Variants in TIAM1 observed in about 807,000 individuals in gnomAD.
TIAM1 encodes the protein TIAM Rac1 associated GEF 1, also known as rho guanine nucleotide exchange factor TIAM1.
A neutral mutation model predicts 163.5 loss-of-function variants in TIAM1; 65 were observed. The observed-to-expected ratio is 0.40, with a 90% CI of 0.33 to 0.49. The LOEUF (loss-of-function observed/expected upper bound fraction) is 0.49. Ranked by LOEUF, TIAM1 falls within the 20% of genes least tolerant of loss-of-function variation. The pLI is 0.77. For missense variants in TIAM1, 1,789 were observed against 2,044.7 expected, an observed-to-expected ratio of 0.87 and a Z score of 2.41; for synonymous variants, 833 against 810.1, an observed-to-expected ratio of 1.03 and a Z score of -0.48.
intron 1 of TIAM1, among the ~76,000 whole-genome samples, chr21:31,514,575 C>T (rs2047318594): frequency 6.6e-6 from 1 of 151,642 alleles, no homozygotes; most frequent in Non-Finnish European, 1.5e-5. Context: ...CACCTGTAAA[C>T]CCAGCTACTC....
intron 11 of TIAM1, among the ~76,000 whole-genome samples, chr21:31,207,990 A>G (rs548145682): frequency 1.3e-5 from 2 of 152,344 alleles, no homozygotes; most frequent in South Asian, 4.1e-4. Context: ...ATTGGACAGG[A>G]CTAACTTTTA....
intron 2 of TIAM1, among the ~76,000 whole-genome samples, chr21:31,388,660 A>T (rs1212033227): frequency 7.2e-6 from 1 of 139,356 alleles, no homozygotes; most frequent in Non-Finnish European, 1.6e-5. Flanking sequence ...CTTGTCTCTT[A>T]AAAAATAAAA....
chr21:31,173,540 GA>G lies in TIAM1; in HGVS notation c.2888-8476del, dbSNP rs554478376. On this transcript the variant is annotated intron_variant, in intron 15 of 27. Transcript: ENST00000541036. Reference sequence around the variant, plus strand: ...AAAGAGAGAGCGAGAGAAAGAGAGAGAGAGAGAGAGAGAAAAGAAAAGAAAG... The same window carrying G: ...AAAGAGAGAGCGAGAGAAAGAGAGAGGAGAGAGAGAGAAAAGAAAAGAAAG... Among the ~76,000 whole-genome samples, 188 of 151,998 alleles carry G rather than the reference GA, an allele frequency of 1.2e-3. 1 individual carries two copies. The highest frequency in any genetic ancestry group is 8.7e-3 in the East Asian group (45 of 5,172).
At position 31,420,474 on chromosome 21, in the gene TIAM1, T is replaced by C. The variant is rs187043839; in HGVS notation, c.-369+43509A>G. ...GGAAATTTGTGAAAAACTTTTCCAGTATCCCAGACCCTAAAGAGTCTAAAG... is the reference window on the plus strand; with the variant it reads ...GGAAATTTGTGAAAAACTTTTCCAGCATCCCAGACCCTAAAGAGTCTAAAG... On this transcript the variant is annotated intron_variant, in intron 2 of 28. Coordinates refer to the TIAM1 transcript ENST00000286827. Among the ~76,000 whole-genome samples, 20 of 152,352 alleles carry C rather than the reference T, an allele frequency of 1.3e-4. No homozygotes were observed. In the East Asian group the frequency reaches 3.9e-3, roughly 29 times the overall value.
intron 2 of TIAM1, among the ~76,000 whole-genome samples, chr21:31,298,114 G>C (rs2074360508): frequency 6.6e-6 from 1 of 152,168 alleles, no homozygotes; most frequent in Non-Finnish European, 1.5e-5. Flanking sequence ...CCACAGCTGA[G>C]CGGATGGAGT....
At chr21:31,173,999 G>C (rs727550) in intron 15 of TIAM1, among the ~76,000 whole-genome samples, 10,575 of 152,172 alleles carry the variant, frequency 0.069, 1,274 homozygotes, top group African/African-American at 0.24. Context: ...GACAGTTTAC[G>C]AGGCGCGCGT....
At chr21:31,222,699 ATATATATATTTTTT>A (rs1325070313) in intron 8 of TIAM1, among the ~76,000 whole-genome samples, 1 of 39,792 alleles carries the variant, frequency 2.5e-5, no homozygotes, top group Non-Finnish European at 4.3e-5. Context: ...ATATATATAT[ATATATATATTTTTT>A]TTTTTTTTTT....
At position 31,118,500 on chromosome 21, in the gene TIAM1, C is replaced by T; in HGVS notation, c.*1868G>A. 2.2e-6 allele frequency: 1 copy of T among 448,018 alleles called. No individual in the cohort carries two copies. The highest frequency in any genetic ancestry group is 1.7e-5 in the South Asian group (1 of 59,492). 27.8% of individuals were successfully genotyped at this position (448,018 alleles called of 1,614,324 possible). On this transcript the variant is annotated 3_prime_UTR_variant, in exon 28 of 28. Transcript: ENST00000541036. ...AAAAACATAAAAATAGACCTTCTTT[C>T]AGCTTATAAAAGAAATATATAAGAA...
At chr21:31,408,965 G>A (rs1471983669) in intron 2 of TIAM1, among the ~76,000 whole-genome samples, 1 of 151,402 alleles carries the variant, frequency 6.6e-6, no homozygotes, top group Non-Finnish European at 1.5e-5. Flanking sequence ...CTCAGCCACC[G>A]AAACACCATC....
chr21:31,199,274 C>T (rs1179426079), intron 12 of TIAM1, among the ~76,000 whole-genome samples: 1 of 152,182 alleles, frequency 6.6e-6, no homozygotes, highest in Non-Finnish European at 1.5e-5. Flanking sequence ...CCTGGCTGCT[C>T]ATCTTCTCAT....
chr21:31,449,375 T>C (rs1396238589), intron 2 of TIAM1, among the ~76,000 whole-genome samples: 1 of 151,996 alleles, frequency 6.6e-6, no homozygotes, highest in Non-Finnish European at 1.5e-5. Context: ...TTTTGTTTCT[T>C]ATTTTATTTA....
chr21:31,133,732 T>G (rs764529696), intron 23 of TIAM1, among the ~76,000 whole-genome samples: 24 of 152,330 alleles, frequency 1.6e-4, no homozygotes, highest in Non-Finnish European at 3.1e-4. Flanking sequence ...TGGCAAAGCA[T>G]GTGGCCTCTT....
At chr21:31,238,790 C>T (rs1293667646) in intron 6 of TIAM1, among the ~76,000 whole-genome samples, 1 of 152,144 alleles carries the variant, frequency 6.6e-6, no homozygotes, top group Non-Finnish European at 1.5e-5. Flanking sequence ...AGTAATAGGA[C>T]AAATAGTATA....
At chr21:31,473,664 G>T (rs940935702) in intron 1 of TIAM1, among the ~76,000 whole-genome samples, 1 of 151,926 alleles carries the variant, frequency 6.6e-6, no homozygotes, top group Admixed American at 6.6e-5. Context: ...GAAAACAACC[G>T]GAAGTGGAGA....
intron 2 of TIAM1, among the ~76,000 whole-genome samples, chr21:31,322,451 G>A (rs1178256927): frequency 1.4e-5 from 2 of 146,782 alleles, no homozygotes; most frequent in Non-Finnish European, 3.0e-5. Flanking sequence ...CTATGGGTGG[G>A]GGGGGGTGCC....
chr21:31,355,089 AT>A (rs950915301), intron 2 of TIAM1, among the ~76,000 whole-genome samples: 13 of 151,386 alleles, frequency 8.6e-5, no homozygotes, highest in Non-Finnish European at 1.3e-4. Context: ...ATAACTTTCC[AT>A]TGGCAAAAAT....
intron 1 of TIAM1, among the ~76,000 whole-genome samples, chr21:31,498,239 T>G (rs2250608): frequency 0.84 from 127,936 of 152,276 alleles, 54,029 homozygotes; most frequent in African/African-American, 0.9. Flanking sequence ...GATCACAGAT[T>G]ATTCCAGCAG....
intron 1 of TIAM1, among the ~76,000 whole-genome samples, chr21:31,505,325 A>G (rs1033500419): frequency 2.0e-5 from 3 of 152,266 alleles, no homozygotes; most frequent in African/African-American, 7.2e-5. Context: ...ATGAATAATT[A>G]GATTCTAAGA....
At chr21:31,454,854 A>G (rs1335854331) in intron 2 of TIAM1, among the ~76,000 whole-genome samples, 3 of 152,138 alleles carry the variant, frequency 2.0e-5, no homozygotes, top group South Asian at 4.1e-4. Context: ...GCGTCTGGGG[A>G]CAGCGACTCC....
Sources: gnomAD v4.1 joint callset for allele counts (sites outside exome capture counted in the v4.1 genomes callset) on GRCh38, gnomAD v4.1.1 for gene constraint, MANE v1.5 for transcripts, NCBI Gene and HGNC (gene_info 2026-07-23, HGNC 2026-07-21) for gene names.